LRMDA: variants seen among roughly 807,000 people sequenced by gnomAD.
LRMDA encodes leucine rich melanocyte differentiation associated, also known as leucine-rich melanocyte differentiation-associated protein.
LRMDA carries 18 observed loss-of-function variants against 29.8 expected under a neutral mutation model. That is an observed-to-expected ratio of 0.60 (90% CI 0.42 to 0.90). The LOEUF (loss-of-function observed/expected upper bound fraction) is 0.90. LRMDA is among the 40% of genes least tolerant of loss of function. The pLI is 0.00. For synonymous variants in LRMDA, 125 were observed against 109.4 expected (o/e 1.14, Z -0.89); for missense variants, 273 against 273.9 (o/e 1.00, Z 0.02).
intron 6 of LRMDA, among the ~76,000 whole-genome samples, chr10:76,523,296 G>A (rs1400700292): frequency 6.6e-6 from 1 of 152,066 alleles, no homozygotes; most frequent in Non-Finnish European, 1.5e-5. Flanking sequence ...GTGTGTCGAA[G>A]GGCTTTCCAC....
At chr10:76,486,329 G>C (rs1842782030) in intron 6 of LRMDA, among the ~76,000 whole-genome samples, 1 of 151,862 alleles carries the variant, frequency 6.6e-6, no homozygotes, top group African/African-American at 2.4e-5. Flanking sequence ...CCCAGTGCAT[G>C]CATTAGTCAA....
chr10:76,061,693 G>A (rs1564642569), intron 5 of LRMDA, among the ~76,000 whole-genome samples: 1 of 152,156 alleles, frequency 6.6e-6, no homozygotes, highest in African/African-American at 2.4e-5. Flanking sequence ...GGGAGAGGGT[G>A]TAGTTTCCTG....
At chr10:76,228,506 G>A (rs971915556) in intron 5 of LRMDA, among the ~76,000 whole-genome samples, 1 of 152,052 alleles carries the variant, frequency 6.6e-6, no homozygotes, top group Non-Finnish European at 1.5e-5. Context: ...AGACAGTTTG[G>A]GGTAAAGGGG....
chr10:76,366,861 C>T (rs533068980), intron 6 of LRMDA, among the ~76,000 whole-genome samples: 1 of 152,218 alleles, frequency 6.6e-6, no homozygotes, highest in African/African-American at 2.4e-5. Flanking sequence ...TCAACTTTTC[C>T]TTATTCAGTA....
At chr10:76,525,735 C>T (rs776998837) in intron 6 of LRMDA, among the ~76,000 whole-genome samples, 1 of 152,090 alleles carries the variant, frequency 6.6e-6, no homozygotes, top group Non-Finnish European at 1.5e-5. Flanking sequence ...TAGTTGTTAA[C>T]TCTAGAAGAT....
At chr10:76,545,638 T>TCTATTATTA in intron 6 of LRMDA, among the ~76,000 whole-genome samples, 2 of 143,776 alleles carry the variant, frequency 1.4e-5, no homozygotes, top group Middle Eastern at 3.6e-3. Flanking sequence ...GGAACAACCT[T>TCTATTATTA]TTATTATTAT....
chr10:75,467,125 G>A (rs886837998), intron 2 of LRMDA, among the ~76,000 whole-genome samples: 4 of 152,162 alleles, frequency 2.6e-5, no homozygotes, highest in African/African-American at 2.4e-5. Context: ...CATCAAGTAC[G>A]ACGACGTGGA....
chr10:75,562,350 C>T (rs1840308936), intron 2 of LRMDA, among the ~76,000 whole-genome samples: 2 of 151,978 alleles, frequency 1.3e-5, no homozygotes, highest in South Asian at 4.2e-4. Flanking sequence ...ACTAGGACTG[C>T]AACCCCTGCC....
At chr10:76,503,543 G>T (rs927191826) in intron 6 of LRMDA, among the ~76,000 whole-genome samples, 1 of 150,640 alleles carries the variant, frequency 6.6e-6, no homozygotes, top group Non-Finnish European at 1.5e-5. Context: ...CTTTCTTCCT[G>T]GATCAATCTT....
At chr10:76,302,532 G>C (rs945765375) in intron 5 of LRMDA, among the ~76,000 whole-genome samples, 2 of 151,944 alleles carry the variant, frequency 1.3e-5, no homozygotes, top group Non-Finnish European at 2.9e-5. Flanking sequence ...TCTTTTTTTT[G>C]GGGGGTGGTG....
chr10:75,470,573 G>A (rs1844713904), intron 2 of LRMDA, among the ~76,000 whole-genome samples: 1 of 152,214 alleles, frequency 6.6e-6, no homozygotes, highest in Non-Finnish European at 1.5e-5. Flanking sequence ...GAGGGGTCTA[G>A]GGTATCCTTC....
rs75891641 is a variant in LRMDA at position 76,553,623 on chromosome 10, C to T, written c.602-3586C>T. Among the ~76,000 whole-genome samples the T allele has an allele frequency of 1.7e-3, 261 of 152,304 alleles. 3 individuals carry two copies. The highest frequency in any genetic ancestry group is 6.0e-3 in the East Asian group (31 of 5,186). On this transcript the variant is annotated intron_variant, in intron 6 of 6. Coordinates refer to ENST00000611255, the MANE Select transcript of LRMDA (RefSeq NM_001305581.2). ...CATGATAAATAAAGGCCTGTGGCCA[C>T]ACATGGGACTGTGCTGTTTCGTGCA...
intron 6 of LRMDA, among the ~76,000 whole-genome samples, chr10:76,467,587 A>C (rs539929127): frequency 6.6e-6 from 1 of 152,322 alleles, no homozygotes; most frequent in African/African-American, 2.4e-5. Flanking sequence ...TAAATCTATA[A>C]TGATGGTTGT....
At chr10:76,460,053 G>A (rs1187497175) in intron 6 of LRMDA, among the ~76,000 whole-genome samples, 3 of 152,200 alleles carry the variant, frequency 2.0e-5, no homozygotes, top group Non-Finnish European at 2.9e-5. Flanking sequence ...AAGATAGACC[G>A]TCAGTCTGGT....
At chr10:75,681,853 G>A (rs551048798) in intron 2 of LRMDA, among the ~76,000 whole-genome samples, 76 of 152,266 alleles carry the variant, frequency 5.0e-4, no homozygotes, top group African/African-American at 1.7e-3. Flanking sequence ...TCATCATCAT[G>A]TTATCAAGCC....
chr10:75,916,880 G>A, intron 2 of LRMDA, among the ~76,000 whole-genome samples: 1 of 152,202 alleles, frequency 6.6e-6, no homozygotes, highest in Admixed American at 6.5e-5. Context: ...CATTTAATAT[G>A]TTGTCTGTGA....
intron 2 of LRMDA, among the ~76,000 whole-genome samples, chr10:75,926,114 G>T (rs527979753): frequency 6.6e-6 from 1 of 152,206 alleles, no homozygotes; most frequent in Non-Finnish European, 1.5e-5. Context: ...ACATAGGCAT[G>T]TGGGGAACCC....
intron 2 of LRMDA, among the ~76,000 whole-genome samples, chr10:75,663,807 G>A (rs751141436): frequency 6.6e-5 from 10 of 151,964 alleles, no homozygotes; most frequent in African/African-American, 1.2e-4. Flanking sequence ...GCTTAGTTTA[G>A]ACCCCTATTC....
Position 75,773,267 on chromosome 10 carries a change from A to G in LRMDA, c.132-262741A>G, listed in dbSNP as rs558869450. Among the ~76,000 whole-genome samples, 3 of 152,316 alleles carry G rather than the reference A, an allele frequency of 2.0e-5. No homozygotes were observed. The East Asian group carries it at 5.8e-4, about 29-fold the overall frequency. ...TCAAAGTCACCCCTGGTTGAGAACC[A>G]CTGATCTCAGGTTAGCACAGAGAGG... is the stretch of plus-strand genomic sequence containing the variant. On this transcript the variant is annotated intron_variant, in intron 2 of 6. Transcript: ENST00000611255.
Sources: gnomAD v4.1 joint callset for allele counts (sites outside exome capture counted in the v4.1 genomes callset) on GRCh38, gnomAD v4.1.1 for gene constraint, MANE v1.5 for transcripts, NCBI Gene and HGNC (gene_info 2026-07-23, HGNC 2026-07-21) for gene names.